Variants in AGAP1 observed in about 807,000 individuals in gnomAD.
The protein encoded by AGAP1 is ArfGAP with GTPase domain, ankyrin repeat and PH domain 1, also known as arf-GAP with GTPase, ANK repeat and PH domain-containing protein 1.
AGAP1 carries 29 observed loss-of-function variants against 105.3 expected under a neutral mutation model. The ratio of observed to expected loss-of-function variants is 0.28; its 90% CI spans 0.21 to 0.38. The LOEUF (loss-of-function observed/expected upper bound fraction) is 0.38, where lower values mean the gene tolerates loss of function less well. Among genes scored for constraint, AGAP1 ranks in the 10% least tolerant of loss-of-function variants. The pLI is 1.00. For synonymous variants in AGAP1, 509 were observed against 485.9 expected (o/e 1.05, Z -0.63); for missense variants, 998 against 1,165.1 (o/e 0.86, Z 2.09).
chr2:236,047,144 TG>T (rs2057744891), intron 15 of AGAP1, among the ~76,000 whole-genome samples: 1 of 151,854 alleles, frequency 6.6e-6, no homozygotes, highest in Non-Finnish European at 1.5e-5. Flanking sequence ...TGAGGAGGGG[TG>T]GGGCAGTGGC....
intron 1 of AGAP1, among the ~76,000 whole-genome samples, chr2:235,590,016 G>T (rs1327079310): frequency 2.0e-5 from 3 of 152,126 alleles, no homozygotes; most frequent in Non-Finnish European, 4.4e-5. Context: ...TGGTAGCTGG[G>T]ATTACAGGTG....
intron 2 of AGAP1, 41 bp from the exon 3 acceptor site, chr2:235,717,516 G>C (rs759841887): frequency 7.8e-6 from 12 of 1,530,372 alleles, no homozygotes; most frequent in African/African-American, 5.6e-5. Flanking sequence ...GCCAAATAGA[G>C]TGATTTGATG....
At chr2:235,607,157 C>T (rs920734801) in intron 1 of AGAP1, among the ~76,000 whole-genome samples, 8 of 149,944 alleles carry the variant, frequency 5.3e-5, no homozygotes, top group South Asian at 2.1e-4. Flanking sequence ...AGTGGGACCA[C>T]GGTGAGTTCG....
At chr2:235,702,935 T>C (rs915202524) in intron 1 of AGAP1, among the ~76,000 whole-genome samples, 1 of 68,608 alleles carries the variant, frequency 1.5e-5, no homozygotes, top group Non-Finnish European at 2.4e-5. Flanking sequence ...GTTTTCTTGG[T>C]TTTTTTTTTT....
At chr2:236,048,957 C>G in intron 15 of AGAP1, 102 bp from the exon 16 acceptor site, 2 of 1,130,110 alleles carry the variant, frequency 1.8e-6, no homozygotes, top group Non-Finnish European at 2.6e-6. Flanking sequence ...GTGGTTCTGT[C>G]GTTGTGAAGT....
At chr2:235,501,214 G>T (rs1434334196) in intron 1 of AGAP1, among the ~76,000 whole-genome samples, 1 of 152,244 alleles carries the variant, frequency 6.6e-6, no homozygotes, top group Non-Finnish European at 1.5e-5. Flanking sequence ...ACGGTGGCAT[G>T]TCGGATGGAC....
intron 12 of AGAP1, among the ~76,000 whole-genome samples, chr2:235,943,742 A>G (rs1400877372): frequency 1.3e-5 from 2 of 152,218 alleles, no homozygotes; most frequent in Non-Finnish European, 2.9e-5. Context: ...AAGTTGTTAC[A>G]AGATGGTTAT....
intron 1 of AGAP1, among the ~76,000 whole-genome samples, chr2:235,592,199 C>T (rs1253496334): frequency 6.6e-6 from 1 of 152,198 alleles, no homozygotes; most frequent in Non-Finnish European, 1.5e-5. Flanking sequence ...CTAGGTATCC[C>T]TGCTCTGCAG....
intron 1 of AGAP1, among the ~76,000 whole-genome samples, chr2:235,593,040 C>A (rs767300027): frequency 2.6e-5 from 4 of 152,170 alleles, no homozygotes; most frequent in Non-Finnish European, 5.9e-5. Context: ...CTGCTGAAGG[C>A]CCCTGTTCAC....
chr2:235,677,923 A>G (rs1189921556), intron 1 of AGAP1, among the ~76,000 whole-genome samples: 5 of 49,728 alleles, frequency 1.0e-4, no homozygotes, highest in African/African-American at 5.3e-4. Flanking sequence ...AAAAAAAAAA[A>G]AAAAAAAAAA....
Position 236,040,002 on chromosome 2 carries a change from A to G in AGAP1, c.1801-749A>G, listed in dbSNP as rs2057497999. Among the ~76,000 whole-genome samples the G allele has an allele frequency of 6.6e-6, 1 of 151,918 alleles. No individual in the cohort carries two copies. Among genetic ancestry groups the G allele is most frequent in the Non-Finnish European group, 1.5e-5 (1 of 67,960 alleles). ...GGCTCACACCTGTAATCTCAACACT[A>G]TAGGAGGCTAAGGCAGGAGGATCAC... On this transcript the variant is annotated intron_variant, in intron 14 of 17. Transcript: ENST00000304032. The surrounding 1 kb of genome is among the most constrained non-coding windows in gnomAD (Gnocchi z 5.6).
In AGAP1 at chr2:235,964,626, C is replaced by T. The variant is rs755565987; in HGVS notation, c.1484-3836C>T. On this transcript the variant is annotated intron_variant, in intron 12 of 17. Transcript: ENST00000304032. The surrounding 1 kb of genome is among the most constrained non-coding windows in gnomAD (Gnocchi z 4.6). ...CCACCCCCTGAACGTTATGAGGCTT[C>T]TGAACACTGTTAAATCATAAATAAA... 5.9e-5 allele frequency among the ~76,000 whole-genome samples: 9 copies of T among 152,136 alleles called. No homozygotes were observed. Among genetic ancestry groups the T allele is most frequent in the Non-Finnish European group, 1.3e-4 (9 of 68,040 alleles).
rs191611566 is a variant in AGAP1 at position 235,726,694 on chromosome 2, G to T, written c.310+9050G>T. ...CCACTGTGCCCCTGGCCAGGGAACC[G>T]CCTGCTCTGGTCTGGAAGCCCCGGG... On this transcript the variant is annotated intron_variant, in intron 3 of 17. Coordinates refer to ENST00000304032, the MANE Select transcript of AGAP1 (RefSeq NM_001037131.3). 8.4e-4 allele frequency among the ~76,000 whole-genome samples: 128 copies of T among 152,268 alleles called. 2 individuals carry two copies. In the East Asian group the frequency reaches 0.02, roughly 24 times the overall value.
In AGAP1 at chr2:236,074,777, G is replaced by GGGCAT. The variant is rs1205750774; in HGVS notation, c.2114+25499_2114+25503dup. Among the ~76,000 whole-genome samples, 9 of 152,282 alleles carry GGGCAT rather than the reference G, an allele frequency of 5.9e-5. No homozygotes were observed. The South Asian group carries it at 1.7e-3, about 28-fold the overall frequency. The stretch of plus-strand genomic sequence containing the variant: ...AGTTCTCAGTGAAAGAAACCAGGCT[G>GGGCAT]GGCATGGTGGCTCATGCCTGTAATT... On this transcript the variant is annotated intron_variant, in intron 16 of 17. Transcript: ENST00000304032.
rs1456191659 is a variant in AGAP1, at chr2:236,089,842, A to G, written c.2115-30350A>G. Among the ~76,000 whole-genome samples the G allele has an allele frequency of 6.6e-6, 1 of 152,158 alleles. No homozygotes were observed. Among genetic ancestry groups the G allele is most frequent in the Admixed American group, 6.5e-5 (1 of 15,276 alleles). Reference sequence around the variant, plus strand: ...GCATGTAACGCCCTATAAATTTATTAGCATGCCTCATTTCTCATTGGTGGA... The same window carrying G: ...GCATGTAACGCCCTATAAATTTATTGGCATGCCTCATTTCTCATTGGTGGA... On this transcript the variant is annotated intron_variant, in intron 16 of 17. Coordinates refer to ENST00000304032, the MANE Select transcript of AGAP1 (RefSeq NM_001037131.3). The surrounding 1 kb of genome is among the most constrained non-coding windows in gnomAD (Gnocchi z 5.6).
intron 1 of AGAP1, among the ~76,000 whole-genome samples, chr2:235,544,975 G>A (rs138372163): frequency 5.9e-5 from 9 of 152,176 alleles, no homozygotes; most frequent in African/African-American, 1.9e-4. Context: ...AACGGGGTAA[G>A]GCGTCACTTG....
At chr2:235,738,833 C>T (rs953244349) in intron 3 of AGAP1, among the ~76,000 whole-genome samples, 1 of 152,146 alleles carries the variant, frequency 6.6e-6, no homozygotes, top group Non-Finnish European at 1.5e-5. Flanking sequence ...GTTGGGATTA[C>T]AGGTGTGAGC....
intron 16 of AGAP1, among the ~76,000 whole-genome samples, chr2:236,102,109 C>T (rs1009558362): frequency 6.6e-6 from 1 of 152,094 alleles, no homozygotes; most frequent in African/African-American, 2.4e-5. Flanking sequence ...TGGTGAAACC[C>T]CGTCTCTACT....
chr2:235,528,213 C>G (rs1325033400), intron 1 of AGAP1, among the ~76,000 whole-genome samples: 3 of 152,144 alleles, frequency 2.0e-5, no homozygotes, highest in Admixed American at 2.0e-4. Flanking sequence ...CCCATCCCCC[C>G]CACATTCAGG....
Sources: gnomAD v4.1 joint callset for allele counts (sites outside exome capture counted in the v4.1 genomes callset) on GRCh38, gnomAD v4.1.1 for gene constraint, Gnocchi (gnomAD v3.1) non-coding constraint, MANE v1.5 for transcripts, NCBI Gene and HGNC (gene_info 2026-07-23, HGNC 2026-07-21) for gene names.